Variants in RPL18 observed in about 807,000 individuals in gnomAD.
The protein encoded by RPL18 is large ribosomal subunit protein eL18.
In RPL18, 4 loss-of-function variants were observed where a neutral mutation model predicts 25.0. The ratio of observed to expected loss-of-function variants is 0.16; its 90% CI spans 0.08 to 0.37. The LOEUF (loss-of-function observed/expected upper bound fraction) is 0.37. Ranked by LOEUF, RPL18 falls within the 10% of genes least tolerant of loss-of-function variation. The pLI is 1.00. For synonymous variants in RPL18, 129 were observed against 101.6 expected, an observed-to-expected ratio of 1.27 and a Z score of -1.62; for missense variants, 179 against 267.9, an observed-to-expected ratio of 0.67 and a Z score of 2.32.
chr19:48,616,326 G>T, intron 4 of RPL18, 124 bp from the exon 5 acceptor site: 2 of 1,213,410 alleles, frequency 1.6e-6, no homozygotes, highest in Non-Finnish European at 2.3e-6. Flanking sequence ...TTTACTACCC[G>T]GAGCACCCTG....
intron 4 of RPL18, 106 bp from the exon 5 acceptor site, chr19:48,616,308 C>T: frequency 6.8e-7 from 1 of 1,463,254 alleles, no homozygotes; most frequent in Non-Finnish European, 9.3e-7. Context: ...TGGTAACCAA[C>T]ACTATCGTTT....
chr19:48,618,059 C>T, intron 1 of RPL18, 182 bp from the exon 2 acceptor site: 2 of 561,074 alleles, frequency 3.6e-6, no homozygotes, highest in Middle Eastern at 3.5e-4. Flanking sequence ...GGGCTGTTTA[C>T]AAAGCCTTCA....
rs140651178 is a variant in RPL18 at position 48,615,463 on chromosome 19, G to A, written c.492-16C>T. ...GACGTAGGGTCTGTGGGGAGAGGAG[G>A]GAGTGAGAGGGGGGCCCTCTTAAAG... is the stretch of plus-strand genomic sequence containing the variant. On this transcript the variant is annotated splice_polypyrimidine_tract_variant and intron_variant, in intron 6 of 6. Coordinates refer to ENST00000549920, the MANE Select transcript of RPL18 (RefSeq NM_000979.4). 8.6e-4 allele frequency: 1,381 copies of A among 1,601,910 alleles called. 9 individuals are homozygous for A. In the African/African-American group the frequency reaches 0.01, roughly 12 times the overall value.
Position 48,617,866 on chromosome 19 carries a change from G to A in RPL18, c.15C>T (p.Ile5=). The A allele has an allele frequency of 1.2e-6, 2 of 1,613,906 alleles. No homozygotes were observed. Residue 5 remains isoleucine, a synonymous_variant, in exon 2 of 7, where the codon ATC becomes ATT. Coordinates refer to ENST00000549920, the MANE Select transcript of RPL18 (RefSeq NM_000979.4). MGVD[I]RHNKDRKVRR... Reference sequence around the variant, plus strand: ...GAACCTTTCGGTCCTTGTTATGGCGGATGTCCACTCCCTGTGGGGGTGAAG... The same window carrying A: ...GAACCTTTCGGTCCTTGTTATGGCGAATGTCCACTCCCTGTGGGGGTGAAG...
At chr19:48,615,735 C>A in intron 6 of RPL18, 142 bp downstream of exon 6, 1 of 756,390 alleles carries the variant, frequency 1.3e-6, no homozygotes. Context: ...AAGGGAAAAG[C>A]AGGCAGGATG....
In RPL18 at chr19:48,617,829, G is replaced by A; in HGVS notation, c.52C>T (p.Pro18Ser). 6.2e-7 allele frequency: 1 copy of A among 1,614,136 alleles called. No individual in the cohort carries two copies. Among genetic ancestry groups the A allele is most frequent in the Non-Finnish European group, 8.5e-7 (1 of 1,179,988 alleles). Reference protein sequence around the residue: ...NKDRKVRRKEPKSQDIYLRLL... With the variant: ...NKDRKVRRKESKSQDIYLRLL... ...CTCAGGTAGATATCCTGGCTCTTGG[G>A]CTCCTTGCGCCGAACCTTTCGGTCC... is the stretch of plus-strand genomic sequence containing the variant. The change falls in exon 2 of 7, where the codon CCC becomes TCC. Residue 18 changes from proline to serine, a missense_variant. Pro to Ser is a moderately conservative substitution (Grantham distance 74, BLOSUM62 -1). Transcript: ENST00000549920.
chr19:48,616,933 T>G (rs1331942114), intron 3 of RPL18, 109 bp from the exon 4 acceptor site: 1 of 796,070 alleles, frequency 1.3e-6, no homozygotes, highest in Non-Finnish European at 2.2e-6. Flanking sequence ...GACCCCCCAC[T>G]CACACCACAC....
At chr19:48,618,925 T>G (rs1335596923) in intron 1 of RPL18, 4 of 580,636 alleles carry the variant, frequency 6.9e-6, no homozygotes, top group Non-Finnish European at 1.2e-5. Context: ...CATATCAGCC[T>G]CCGAGTACCT....
chr19:48,618,115 A>G (rs1196147199), intron 1 of RPL18: 1 of 406,444 alleles, frequency 2.5e-6, no homozygotes, highest in Admixed American at 4.1e-5. Context: ...CAGCAATCAT[A>G]TTAACTTAAT....
At chr19:48,618,260 C>G (rs1974245647) in intron 1 of RPL18, 1 of 195,172 alleles carries the variant, frequency 5.1e-6, no homozygotes. Flanking sequence ...CAGAACCTAG[C>G]AATACTACTA....
intron 3 of RPL18, 165 bp downstream of exon 3, chr19:48,617,151 T>G (rs760429785): frequency 2.7e-6 from 2 of 753,198 alleles, no homozygotes; most frequent in East Asian, 5.0e-5. Context: ...CCACTGCCCA[T>G]GGACACTCAG....
chr19:48,615,846 G>A, intron 6 of RPL18, 31 bp downstream of exon 6: 1 of 1,579,494 alleles, frequency 6.3e-7, no homozygotes. Flanking sequence ...TGAGTCTGGG[G>A]AGAGGGCAGG....
At chr19:48,617,118 G>A (rs773644497) in intron 3 of RPL18, 198 bp downstream of exon 3, 13 of 712,786 alleles carry the variant, frequency 1.8e-5, no homozygotes, top group South Asian at 2.9e-5. Context: ...CAAAGAGAAG[G>A]AGAGGAGGAC....
Position 48,617,818 on chromosome 19 carries a change from C to T in RPL18, c.63G>A (p.Gln21=). 1.1e-5 allele frequency: 17 copies of T among 1,614,182 alleles called. No homozygotes were observed. Among genetic ancestry groups the T allele is most frequent in the Non-Finnish European group, 1.4e-5 (17 of 1,180,000 alleles). ...RKVRRKEPKS[Q]DIYLRLLVKL... ...TGACCAACAGCCTCAGGTAGATATC[C>T]TGGCTCTTGGGCTCCTTGCGCCGAA... Residue 21 remains glutamine, a synonymous_variant, in exon 2 of 7, where the codon CAG becomes CAA. Transcript: ENST00000549920.
chr19:48,618,947 T>C (rs1974282261), intron 1 of RPL18, 194 bp downstream of exon 1: 1 of 603,710 alleles, frequency 1.7e-6, no homozygotes. Flanking sequence ...CACTTGGTCA[T>C]CTACTAAGTG....
chr19:48,619,099 G>A, intron 1 of RPL18, 42 bp downstream of exon 1: 3 of 1,589,626 alleles, frequency 1.9e-6, no homozygotes, highest in Non-Finnish European at 2.6e-6. Flanking sequence ...ACGGCGGATG[G>A]CAGCGGATTA....
Position 48,616,786 on chromosome 19 carries a change from C to T in RPL18, c.237G>A (p.Thr79=), listed in dbSNP as rs768483190. 8 of 1,613,872 alleles carry T rather than the reference C, an allele frequency of 5.0e-6. No homozygotes were observed. Among genetic ancestry groups the T allele is most frequent in the Middle Eastern group, 1.7e-4 (1 of 6,036 alleles). ...KMKLPGRENK[T]AVVVGTITDD... ...CAGTTATGGTCCCCACAACCACGGC[C>T]GTCTTGTTTTCCCGGCCAGGAAGCT... The change falls in exon 4 of 7, where the codon ACG becomes ACA. Residue 79 remains threonine, a synonymous_variant. Transcript: ENST00000549920.
At chr19:48,615,808 A>G in intron 6 of RPL18, 69 bp downstream of exon 6, 3 of 1,388,720 alleles carry the variant, frequency 2.2e-6, no homozygotes, top group Non-Finnish European at 3.0e-6. Context: ...GAAGCAGCCC[A>G]AGTGTGGCCA....
chr19:48,618,032 G>A, intron 1 of RPL18, 155 bp from the exon 2 acceptor site: 2 of 595,954 alleles, frequency 3.4e-6, no homozygotes, highest in African/African-American at 1.9e-5. Context: ...GGCTGCCACT[G>A]ATCCCTCTGT....
Sources: allele counts gnomAD v4.1 joint callset, GRCh38; gene constraint gnomAD v4.1.1; transcripts MANE v1.5; gene names NCBI Gene and HGNC (gene_info 2026-07-23, HGNC 2026-07-21).